ZNF165: variants seen among roughly 807,000 people sequenced by gnomAD.
ZNF165 encodes the protein zinc finger protein 165, also known as cancer/testis antigen 53.
In ZNF165, 14 loss-of-function variants were observed where a neutral mutation model predicts 19.6. That is an observed-to-expected ratio of 0.71 (90% confidence interval 0.47 to 1.12). The LOEUF (loss-of-function observed/expected upper bound fraction) is 1.12, where lower values mean the gene tolerates loss of function less well. ZNF165 is among the 50% of genes most tolerant of loss of function. The pLI is 0.00. For missense variants in ZNF165, 504 were observed against 566.3 expected, an observed-to-expected ratio of 0.89 and a Z score of 1.12; for synonymous variants, 165 against 195.0, an observed-to-expected ratio of 0.85 and a Z score of 1.28.
chr6:28,082,723 T>C (rs1464103672), intron 1 of ZNF165, among the ~76,000 whole-genome samples: 2 of 152,252 alleles, frequency 1.3e-5, no homozygotes, highest in African/African-American at 2.4e-5. Context: ...ATGGCCAGTT[T>C]TGGGGCCAGT....
intron 1 of ZNF165, among the ~76,000 whole-genome samples, chr6:28,084,667 A>G (rs983788311): frequency 3.9e-5 from 6 of 152,074 alleles, no homozygotes; most frequent in African/African-American, 1.4e-4. Flanking sequence ...TCAAAAAACA[A>G]AAAAAAGAAC....
chr6:28,087,382 A>T (rs1018518608), intron 3 of ZNF165, among the ~76,000 whole-genome samples: 1 of 152,092 alleles, frequency 6.6e-6, no homozygotes, highest in African/African-American at 2.4e-5. Flanking sequence ...AGTAGCTGAG[A>T]TTACATGTGC....
rs1764385266 is a variant in ZNF165 at position 28,089,505 on chromosome 6, G to A, written c.*35G>A. On this transcript the variant is annotated 3_prime_UTR_variant, in exon 4 of 4. Transcript: ENST00000683778. Reference sequence around the variant, plus strand: ...ATTTGTAAGTAAATGCTGAGGAAATGGCACAATATGAAAAATATTAAATAA... The same window carrying A: ...ATTTGTAAGTAAATGCTGAGGAAATAGCACAATATGAAAAATATTAAATAA... 2.0e-6 allele frequency: 3 copies of A among 1,508,822 alleles called. No individual in the cohort carries two copies. The highest frequency in any genetic ancestry group is 2.7e-6 in the Non-Finnish European group (3 of 1,128,236). 93.5% of individuals were successfully genotyped at this position (1,508,822 alleles called of 1,614,324 possible).
At chr6:28,088,541 T>G (rs1290941081) in intron 3 of ZNF165, 22 bp from the exon 4 acceptor site, 1 of 1,558,594 alleles carries the variant, frequency 6.4e-7, no homozygotes, top group Non-Finnish European at 8.6e-7. Context: ...CAGGTAATAT[T>G]TCCCTTTCTT....
rs1764347059 is a variant in ZNF165 at position 28,088,619 on chromosome 6, G to C, written c.607G>C (p.Glu203Gln). 1 of 1,611,452 alleles carries C rather than the reference G, an allele frequency of 6.2e-7. No homozygotes were observed. The highest frequency in any genetic ancestry group is 8.5e-7 in the Non-Finnish European group (1 of 1,179,420). ...AAAGCTGGAAATTTTTGAAAAAATT[G>C]AATCACAGAGAATTATATCTGGAAG... ...MPKLEIFEKI[E>Q]SQRIISGRIS... The change falls in exon 4 of 4, where the codon GAA (glutamate) becomes CAA (glutamine). Residue 203 changes from glutamate (E) to glutamine (Q), a missense_variant. Transcript: ENST00000683778.
Position 28,089,540 on chromosome 6 carries a change from AT to A in ZNF165, c.*72del. The A allele has an allele frequency of 7.2e-7, 1 of 1,393,918 alleles. No individual in the cohort carries two copies. The highest frequency in any genetic ancestry group is 9.5e-7 in the Non-Finnish European group (1 of 1,057,884). 86.3% of individuals were successfully genotyped at this position (1,393,918 alleles called of 1,614,324 possible). A position where few individuals can be genotyped will look rare whatever the true frequency, so the allele number is the denominator to read the frequency against. ...GAAAAATATTAAATAAAAAATAAAT[AT>A]TGGGCAAGATGGAAGACTGAAAGAC... is the stretch of plus-strand genomic sequence containing the variant. On this transcript the variant is annotated 3_prime_UTR_variant, in exon 4 of 4. Transcript: ENST00000683778.
intron 1 of ZNF165, among the ~76,000 whole-genome samples, chr6:28,084,635 G>A (rs1233491960): frequency 6.6e-6 from 1 of 152,064 alleles, no homozygotes; most frequent in Non-Finnish European, 1.5e-5. Context: ...CTCCAGCCTG[G>A]GTGATAGAGT....
chr6:28,082,673 G>C (rs1390839375), intron 1 of ZNF165, among the ~76,000 whole-genome samples: 1 of 152,206 alleles, frequency 6.6e-6, no homozygotes, highest in Admixed American at 6.5e-5. Context: ...GGGCGTCAAG[G>C]CCATCATGAG....
At chr6:28,083,688 C>T (rs1047833992) in intron 1 of ZNF165, among the ~76,000 whole-genome samples, 5 of 152,260 alleles carry the variant, frequency 3.3e-5, no homozygotes, top group Non-Finnish European at 5.9e-5. Flanking sequence ...GCTCCATCTG[C>T]GAGACACACC....
chr6:28,086,904 AAG>A (rs1027080180), intron 3 of ZNF165, among the ~76,000 whole-genome samples: 4 of 152,246 alleles, frequency 2.6e-5, no homozygotes, highest in African/African-American at 4.8e-5. Flanking sequence ...GGAAAAGAAA[AAG>A]AAATACATGG....
rs531520193 is a variant in ZNF165, at chr6:28,084,359, A to G, written c.1-1122A>G. 5.1e-4 allele frequency among the ~76,000 whole-genome samples: 77 copies of G among 152,356 alleles called. 1 individual carries two copies. The highest frequency in any genetic ancestry group is 3.4e-3 in the Middle Eastern group (1 of 294). On this transcript the variant is annotated intron_variant, in intron 1 of 3. Transcript: ENST00000683778. ...TAGTCAACTTAGTGAAATGTTTAGT[A>G]AAAGAACCTCAGGCCGGGCACGGTG...
At chr6:28,087,125 T>A (rs1273921998) in intron 3 of ZNF165, among the ~76,000 whole-genome samples, 1 of 152,234 alleles carries the variant, frequency 6.6e-6, no homozygotes, top group Admixed American at 6.5e-5. Flanking sequence ...AGAATACTCA[T>A]CTCTGTTCTA....
intron 1 of ZNF165, among the ~76,000 whole-genome samples, chr6:28,082,593 A>G (rs778160956): frequency 1.3e-5 from 2 of 152,242 alleles, no homozygotes; most frequent in African/African-American, 4.8e-5. Context: ...CGCTCATGCT[A>G]TTGTTTTCTG....
chr6:28,085,847 A>G lies in ZNF165; in HGVS notation c.367A>G (p.Ile123Val). The stretch of plus-strand genomic sequence containing the variant: ...AGAGAGTGGAGAGGAGGCAGTGACC[A>G]TACTAGAAGATTTGGAGAGAGGCAC... ...YPESGEEAVT[I>V]LEDLERGTDE... Residue 123 changes from isoleucine (I) to valine (V), a missense_variant, in exon 2 of 4, where the codon ATA (isoleucine) becomes GTA (valine). Physicochemically the swap from Ile to Val is conservative, Grantham distance 29. Coordinates refer to ENST00000683778, the MANE Select transcript of ZNF165 (RefSeq NM_001376491.1). The G allele has an allele frequency of 6.2e-7, 1 of 1,613,274 alleles. No individual in the cohort carries two copies. The highest frequency in any genetic ancestry group is 8.5e-7 in the Non-Finnish European group (1 of 1,180,018).
At chr6:28,083,580 C>T (rs903806009) in intron 1 of ZNF165, among the ~76,000 whole-genome samples, 4 of 152,150 alleles carry the variant, frequency 2.6e-5, no homozygotes, top group African/African-American at 9.7e-5. Flanking sequence ...CTATGCAGTC[C>T]AACCCTAGCC....
Position 28,085,413 on chromosome 6 carries a change from T to G in ZNF165, c.1-68T>G, listed in dbSNP as rs536595977. ...GACAGTAATAGTAACTTTTGATCCC[T>G]CAGGAGGACTCTTGAAACTAAAGAA... On this transcript the variant is annotated intron_variant, in intron 1 of 3. Transcript: ENST00000683778. 1.6e-5 allele frequency: 24 copies of G among 1,507,504 alleles called. No individual in the cohort carries two copies. The South Asian group carries it at 2.6e-4, about 16-fold the overall frequency. The allele number at this position is 1,507,504 out of a possible 1,614,324, so 93.4% of individuals were successfully genotyped here.
At chr6:28,083,737 T>C (rs527523461) in intron 1 of ZNF165, among the ~76,000 whole-genome samples, 3 of 152,208 alleles carry the variant, frequency 2.0e-5, no homozygotes, top group Non-Finnish European at 4.4e-5. Flanking sequence ...AGAAAATTCA[T>C]GTTCGAGTGC....
At chr6:28,086,545 C>T (rs996962311) in intron 3 of ZNF165, among the ~76,000 whole-genome samples, 3 of 152,124 alleles carry the variant, frequency 2.0e-5, no homozygotes, top group African/African-American at 7.2e-5. Flanking sequence ...ATGGTGAAAC[C>T]CCATCTCTAC....
Position 28,085,672 on chromosome 6 carries a change from C to T in ZNF165, c.192C>T (p.Arg64=), listed in dbSNP as rs758024716. The part of the protein sequence containing the change: ...QFCYQDSPGP[R]EALSRLRELC... ...GCTACCAGGATTCTCCTGGACCTCG[C>T]GAGGCACTGAGCCGCCTCCGGGAGC... The change falls in exon 2 of 4, where the codon CGC becomes CGT. Residue 64 remains arginine, a synonymous_variant. Coordinates refer to ENST00000683778, the MANE Select transcript of ZNF165 (RefSeq NM_001376491.1). The T allele has an allele frequency of 2.5e-5, 40 of 1,614,158 alleles. No homozygotes were observed. Among genetic ancestry groups the T allele is most frequent in the East Asian group, 8.9e-5 (4 of 44,892 alleles).
Sources: allele counts gnomAD v4.1 joint callset (sites outside exome capture counted in the v4.1 genomes callset), GRCh38; gene constraint gnomAD v4.1.1; transcripts MANE v1.5; gene names NCBI Gene and HGNC (gene_info 2026-07-23, HGNC 2026-07-21).